MACROD2: variants seen among roughly 807,000 people sequenced by gnomAD.
MACROD2 encodes the protein ADP-ribose glycohydrolase MACROD2.
MACROD2 carries 36 observed loss-of-function variants against 70.4 expected under a neutral mutation model. The ratio of observed to expected loss-of-function variants is 0.51; its 90% CI spans 0.39 to 0.68. The LOEUF (loss-of-function observed/expected upper bound fraction) is 0.68, where lower values mean the gene tolerates loss of function less well. Among genes scored for constraint, MACROD2 ranks in the 30% least tolerant of loss-of-function variants. The pLI is 0.00. For missense variants in MACROD2, 496 were observed against 538.4 expected (o/e 0.92, Z 0.78); for synonymous variants, 172 against 178.8 (o/e 0.96, Z 0.30).
rs138714744 is a variant in MACROD2 at position 15,935,316 on chromosome 20, C to A, written c.838+1978C>A. Among the ~76,000 whole-genome samples, 529 of 152,262 alleles carry A rather than the reference C, an allele frequency of 3.5e-3. 5 individuals carry two copies. The highest frequency in any genetic ancestry group is 0.012 in the African/African-American group (509 of 41,568). On this transcript the variant is annotated intron_variant, in intron 11 of 17. Transcript: ENST00000684519. Reference sequence around the variant, plus strand: ...TCCCTGAGTGACTCCCCTTACTTTTCCAAGTGAGCTCGCCGGCCGGCACAG... The same window carrying A: ...TCCCTGAGTGACTCCCCTTACTTTTACAAGTGAGCTCGCCGGCCGGCACAG...
chr20:14,214,494 T>C (rs1384635572), intron 3 of MACROD2, among the ~76,000 whole-genome samples: 1 of 152,146 alleles, frequency 6.6e-6, no homozygotes, highest in Non-Finnish European at 1.5e-5. Context: ...CTAAACTCTT[T>C]AAAGTTTTTG....
chr20:15,508,708 A>C (rs1186796040), intron 8 of MACROD2, among the ~76,000 whole-genome samples: 1 of 152,206 alleles, frequency 6.6e-6, no homozygotes, highest in Non-Finnish European at 1.5e-5. Flanking sequence ...AAATAGATTG[A>C]TTAGGGTCTT....
chr20:16,048,168 GA>G (rs2067409780), intron 17 of MACROD2, among the ~76,000 whole-genome samples: 1 of 152,140 alleles, frequency 6.6e-6, no homozygotes, highest in African/African-American at 2.4e-5. Context: ...AACAAATTCT[GA>G]AGTTGAATTC....
chr20:14,156,041 A>G (rs1601290381), intron 3 of MACROD2, among the ~76,000 whole-genome samples: 1 of 152,262 alleles, frequency 6.6e-6, no homozygotes, highest in African/African-American at 2.4e-5. Context: ...ACATGCTCGT[A>G]GTCCCAATTA....
intron 3 of MACROD2, among the ~76,000 whole-genome samples, chr20:14,141,861 A>G (rs1307588602): frequency 6.6e-6 from 1 of 151,546 alleles, no homozygotes; most frequent in East Asian, 1.9e-4. Context: ...ATTCTTTTTC[A>G]GCTTAAAAAA....
chr20:14,843,817 A>G (rs1183280042), intron 5 of MACROD2, among the ~76,000 whole-genome samples: 1 of 152,032 alleles, frequency 6.6e-6, no homozygotes, highest in Non-Finnish European at 1.5e-5. Context: ...CTTTTAATGT[A>G]TACTCTTTGT....
At chr20:14,484,129 A>C (rs551725547) in intron 3 of MACROD2, among the ~76,000 whole-genome samples, 1 of 152,344 alleles carries the variant, frequency 6.6e-6, no homozygotes, top group East Asian at 1.9e-4. Flanking sequence ...CTGATGATTT[A>C]GGTGTTCTCC....
At chr20:15,956,525 C>T (rs1035663967) in intron 12 of MACROD2, among the ~76,000 whole-genome samples, 13 of 152,180 alleles carry the variant, frequency 8.5e-5, no homozygotes, top group African/African-American at 3.1e-4. Context: ...GGGCAGTCCA[C>T]GTGAGGATAC....
chr20:14,809,563 A>C (rs954625264), intron 5 of MACROD2, among the ~76,000 whole-genome samples: 3 of 152,044 alleles, frequency 2.0e-5, no homozygotes, highest in Non-Finnish European at 2.9e-5. Context: ...AAGCTAGCAG[A>C]AGACAAGAAA....
At chr20:15,783,047 T>G (rs973361269) in intron 8 of MACROD2, among the ~76,000 whole-genome samples, 1 of 152,172 alleles carries the variant, frequency 6.6e-6, no homozygotes, top group Non-Finnish European at 1.5e-5. Flanking sequence ...CTTTCTTTTT[T>G]AAATTTTCTT....
intron 6 of MACROD2, among the ~76,000 whole-genome samples, chr20:15,354,969 A>T (rs914588526): frequency 4.6e-5 from 7 of 152,224 alleles, no homozygotes; most frequent in Non-Finnish European, 1.0e-4. Flanking sequence ...TTTCACAACC[A>T]CACTAACAGG....
At chr20:15,314,653 A>G (rs1272351400) in intron 6 of MACROD2, among the ~76,000 whole-genome samples, 1 of 152,158 alleles carries the variant, frequency 6.6e-6, no homozygotes, top group Non-Finnish European at 1.5e-5. Flanking sequence ...TTTTGCCTAA[A>G]CTTGAACTCA....
chr20:14,985,823 G>T lies in MACROD2; in HGVS notation c.419-244117G>T, dbSNP rs190671064. 2.2e-3 allele frequency among the ~76,000 whole-genome samples: 337 copies of T among 151,792 alleles called. 2 individuals carry two copies. The highest frequency in any genetic ancestry group is 6.5e-3 in the South Asian group (31 of 4,770). On this transcript the variant is annotated intron_variant, in intron 5 of 17. Transcript: ENST00000684519. ...GGGGCCAGGGTCGGGGGCAGGGAAG[G>T]AAGGGAAGTCTCACTAGGTTGGCCA...
At chr20:14,067,125 T>G (rs1013773551) in intron 2 of MACROD2, among the ~76,000 whole-genome samples, 10 of 139,216 alleles carry the variant, frequency 7.2e-5, no homozygotes, top group Admixed American at 2.9e-4. Context: ...TTTTTAGTGT[T>G]TTTTTTTTTT....
At chr20:15,024,084 A>G (rs2075211193) in intron 5 of MACROD2, among the ~76,000 whole-genome samples, 1 of 152,170 alleles carries the variant, frequency 6.6e-6, no homozygotes, top group African/African-American at 2.4e-5. Flanking sequence ...TAAGTCCTCA[A>G]TAGTGGATAC....
intron 3 of MACROD2, among the ~76,000 whole-genome samples, chr20:14,215,115 C>CAT (rs375291423): frequency 1.7e-5 from 1 of 58,774 alleles, no homozygotes; most frequent in Non-Finnish European, 3.5e-5. Context: ...TCTATTCCAT[C>CAT]ATATATATAT....
chr20:15,995,766 AC>A (rs2066622709), intron 15 of MACROD2, among the ~76,000 whole-genome samples: 1 of 149,984 alleles, frequency 6.7e-6, no homozygotes, highest in Non-Finnish European at 1.5e-5. Context: ...CCATGTTGTC[AC>A]AAATGGCAGG....
chr20:14,575,278 A>G (rs1980519586), intron 4 of MACROD2, among the ~76,000 whole-genome samples: 1 of 152,136 alleles, frequency 6.6e-6, no homozygotes, highest in Admixed American at 6.5e-5. Context: ...AAAATTTAGT[A>G]CAAAGGGTGG....
At chr20:14,664,462 C>G (rs1053240986) in intron 4 of MACROD2, among the ~76,000 whole-genome samples, 1 of 151,870 alleles carries the variant, frequency 6.6e-6, no homozygotes, top group African/African-American at 2.4e-5. Context: ...TGGTTGCTTT[C>G]TTTTTTTTAG....
Sources: allele counts gnomAD v4.1 joint callset (sites outside exome capture counted in the v4.1 genomes callset), GRCh38; gene constraint gnomAD v4.1.1; transcripts MANE v1.5; gene names NCBI Gene and HGNC (gene_info 2026-07-23, HGNC 2026-07-21).